RNF220: variants seen among roughly 807,000 people sequenced by gnomAD.
The protein encoded by RNF220 is E3 ubiquitin-protein ligase RNF220.
In RNF220, 7 loss-of-function variants were observed where a neutral mutation model predicts 67.1. That is an observed-to-expected ratio of 0.10 (90% confidence interval 0.06 to 0.20). RNF220 has a LOEUF of 0.20. Among genes scored for constraint, RNF220 ranks in the 10% least tolerant of loss-of-function variants. The pLI, the probability that RNF220 is intolerant of heterozygous loss-of-function variation, is 1.00. For missense variants in RNF220, 565 were observed against 740.3 expected (o/e 0.76, Z 2.75); for synonymous variants, 270 against 283.2 (o/e 0.95, Z 0.47).
At chr1:44,586,126 A>G (rs1665676608) in intron 2 of RNF220, among the ~76,000 whole-genome samples, 2 of 152,188 alleles carry the variant, frequency 1.3e-5, no homozygotes, top group Admixed American at 6.5e-5. Context: ...CTAGGTAGTT[A>G]TTTAATGGGA....
intron 2 of RNF220, among the ~76,000 whole-genome samples, chr1:44,488,727 CTTTTTTTTTTTTTTT>C (rs55968850): frequency 2.9e-5 from 3 of 102,566 alleles, no homozygotes; most frequent in Non-Finnish European, 5.7e-5. Flanking sequence ...TTTCTTTTTT[CTTTTTTTTTTTTTTT>C]TTTTTTGAGA....
intron 2 of RNF220, among the ~76,000 whole-genome samples, chr1:44,451,333 A>G (rs1478716426): frequency 6.6e-6 from 1 of 152,224 alleles, no homozygotes; most frequent in Non-Finnish European, 1.5e-5. Context: ...TCTAATGAAT[A>G]AAAGTATATT....
chr1:44,587,743 TTCTGTAAAATGAGTAGC>T (rs2148361180), intron 2 of RNF220, among the ~76,000 whole-genome samples: 1 of 152,330 alleles, frequency 6.6e-6, no homozygotes, highest in East Asian at 1.9e-4. Context: ...TTGTTTCCTC[TTCTGTAAAATGAGTAGC>T]TCTGGCTTGG....
chr1:44,473,884 C>A (rs1458615075), intron 2 of RNF220, among the ~76,000 whole-genome samples: 2 of 152,158 alleles, frequency 1.3e-5, no homozygotes, highest in Middle Eastern at 3.2e-3. Flanking sequence ...TGGCCACTTA[C>A]TGCCATTCCC....
At chr1:44,438,912 T>C (rs781007875) in intron 2 of RNF220, among the ~76,000 whole-genome samples, 1 of 152,250 alleles carries the variant, frequency 6.6e-6, no homozygotes, top group Non-Finnish European at 1.5e-5. Context: ...TTACAGATAC[T>C]ACTGTATGTC....
chr1:44,571,431 G>A (rs1368559975), intron 2 of RNF220, among the ~76,000 whole-genome samples: 1 of 152,098 alleles, frequency 6.6e-6, no homozygotes, highest in Non-Finnish European at 1.5e-5. Context: ...TCCTTACCCT[G>A]CTCATTTTCC....
At chr1:44,607,261 T>C (rs1667331048) in intron 2 of RNF220, among the ~76,000 whole-genome samples, 1 of 152,194 alleles carries the variant, frequency 6.6e-6, no homozygotes, top group Non-Finnish European at 1.5e-5. Flanking sequence ...TAAATACAAG[T>C]CTGATATATC....
Position 44,603,248 on chromosome 1 carries a change from G to A in RNF220, c.626-10917G>A, listed in dbSNP as rs185824194. Reference sequence around the variant, plus strand: ...AGTTATCAATTCAATTTCAGCCGCCGGTCCGCTGTTTACTGTCTCGCCTTT... The same window carrying A: ...AGTTATCAATTCAATTTCAGCCGCCAGTCCGCTGTTTACTGTCTCGCCTTT... On this transcript the variant is annotated intron_variant, in intron 2 of 14. Coordinates refer to ENST00000361799, the MANE Select transcript of RNF220 (RefSeq NM_018150.4). 2.8e-3 allele frequency among the ~76,000 whole-genome samples: 431 copies of A among 152,334 alleles called. 3 individuals are homozygous for A. The highest frequency in any genetic ancestry group is 9.7e-3 in the African/African-American group (404 of 41,578).
chr1:44,530,690 C>T (rs950670293), intron 2 of RNF220, among the ~76,000 whole-genome samples: 1 of 152,032 alleles, frequency 6.6e-6, no homozygotes, highest in Admixed American at 6.6e-5. Context: ...GAACTGGTCA[C>T]GCACAGTGGC....
chr1:44,491,414 A>G (rs1168396839), intron 2 of RNF220, among the ~76,000 whole-genome samples: 1 of 152,156 alleles, frequency 6.6e-6, no homozygotes, highest in East Asian at 1.9e-4. Context: ...CGTGGGATTA[A>G]CTCCAGGAGT....
intron 2 of RNF220, among the ~76,000 whole-genome samples, chr1:44,575,018 T>C (rs1425963846): frequency 6.6e-6 from 1 of 152,252 alleles, no homozygotes; most frequent in Non-Finnish European, 1.5e-5. Context: ...ACTGGAAACA[T>C]TTCAAGTCCT....
intron 2 of RNF220, among the ~76,000 whole-genome samples, chr1:44,542,249 G>A (rs1661728648): frequency 6.6e-6 from 1 of 152,190 alleles, no homozygotes; most frequent in African/African-American, 2.4e-5. Flanking sequence ...ATCAGACAGT[G>A]AACAAAGATG....
chr1:44,449,291 T>G (rs966975709), intron 2 of RNF220, among the ~76,000 whole-genome samples: 2 of 152,242 alleles, frequency 1.3e-5, no homozygotes, highest in African/African-American at 4.8e-5. Flanking sequence ...TCAGTAATCA[T>G]TAAATGTTAG....
chr1:44,418,124 G>C (rs1011942485), intron 2 of RNF220, among the ~76,000 whole-genome samples: 3 of 152,140 alleles, frequency 2.0e-5, no homozygotes, highest in African/African-American at 4.8e-5. Context: ...GACGGATAAG[G>C]GGGGGGCGCC....
At chr1:44,534,305 CTAT>C (rs974698793) in intron 2 of RNF220, among the ~76,000 whole-genome samples, 2 of 150,982 alleles carry the variant, frequency 1.3e-5, no homozygotes, top group Non-Finnish European at 2.9e-5. Context: ...TTTTACATTT[CTAT>C]TATTATTATT....
rs1274003309 is a variant in RNF220, at chr1:44,622,694, C to T, written c.759-48C>T. On this transcript the variant is annotated intron_variant, in intron 3 of 14. Coordinates refer to ENST00000361799, the MANE Select transcript of RNF220 (RefSeq NM_018150.4). This position sits in a 1 kb window ranked among gnomAD's most constrained non-coding sequence, Gnocchi z 4.3. ...TTCTTGCTACTCTACCGTTGCATGC[C>T]CTGGGCAGCAGGTAGAATGGTTACC... 2 of 1,560,946 alleles carry T rather than the reference C, an allele frequency of 1.3e-6. No homozygotes were observed. Among genetic ancestry groups the T allele is most frequent in the Non-Finnish European group, 1.8e-6 (2 of 1,132,030 alleles).
rs115545367 is a variant in RNF220, at chr1:44,631,841, G to A, written c.907-502G>A. 1.1e-5 allele frequency: 10 copies of A among 936,532 alleles called. No individual in the cohort carries two copies. The African/African-American group carries it at 1.6e-4, about 15-fold the overall frequency. 58.0% of individuals were successfully genotyped at this position (936,532 alleles called of 1,614,324 possible). On this transcript the variant is annotated intron_variant, in intron 5 of 14. Coordinates refer to ENST00000361799, the MANE Select transcript of RNF220 (RefSeq NM_018150.4). Reference sequence around the variant, plus strand: ...GGTAGGCTTCACGGGCGGTGGGAGGGACCCCGGGGAGGCTTCTGCCGGTTG... The same window carrying A: ...GGTAGGCTTCACGGGCGGTGGGAGGAACCCCGGGGAGGCTTCTGCCGGTTG...
chr1:44,501,168 G>A (rs1208246320), intron 2 of RNF220, among the ~76,000 whole-genome samples: 1 of 150,998 alleles, frequency 6.6e-6, no homozygotes, highest in Non-Finnish European at 1.5e-5. Context: ...TTGGGGGAGG[G>A]GGTGGGGAGA....
At chr1:44,474,085 T>G (rs543392353) in intron 2 of RNF220, among the ~76,000 whole-genome samples, 1 of 151,974 alleles carries the variant, frequency 6.6e-6, no homozygotes, top group African/African-American at 2.4e-5. Context: ...AAAAAAATAA[T>G]AATAATAGAC....
Sources: allele counts gnomAD v4.1 joint callset (sites outside exome capture counted in the v4.1 genomes callset), GRCh38; gene constraint gnomAD v4.1.1; non-coding constraint Gnocchi (gnomAD v3.1); transcripts MANE v1.5; gene names NCBI Gene and HGNC (gene_info 2026-07-23, HGNC 2026-07-21).